The following FGD5 variants were observed in gnomAD, a reference collection of about 807,000 sequenced individuals.
FGD5 encodes FYVE, RhoGEF and PH domain containing 5.
A neutral mutation model predicts 133.4 loss-of-function variants in FGD5; 28 were observed. That is an observed-to-expected ratio of 0.21 (90% CI 0.16 to 0.29). FGD5 has a LOEUF of 0.29. FGD5 is among the 10% of genes least tolerant of loss of function. The pLI is 1.00. For missense variants in FGD5, 1,858 were observed against 1,895.2 expected (o/e 0.98, Z 0.36); for synonymous variants, 810 against 776.5 (o/e 1.04, Z -0.72).
Position 14,880,731 on chromosome 3 carries a change from T to C in FGD5, c.2718-11T>C. ...GGATTAATGCAGCCTCAACCCTCTTTCCCTCTGCAGATACGTGGAGATGCT... is the reference window on the plus strand; with the variant it reads ...GGATTAATGCAGCCTCAACCCTCTTCCCCTCTGCAGATACGTGGAGATGCT... On this transcript the variant is annotated splice_polypyrimidine_tract_variant and intron_variant, in intron 3 of 19. Coordinates refer to ENST00000285046, the MANE Select transcript of FGD5 (RefSeq NM_152536.4). 1.9e-6 allele frequency: 3 copies of C among 1,614,036 alleles called. No individual in the cohort carries two copies. Among genetic ancestry groups the C allele is most frequent in the Non-Finnish European group, 2.5e-6 (3 of 1,179,902 alleles).
At chr3:14,907,547 T>A in intron 9 of FGD5, 93 bp from the exon 10 acceptor site, 3 of 1,199,870 alleles carry the variant, frequency 2.5e-6, no homozygotes, top group Non-Finnish European at 3.6e-6. Context: ...TTCATTTTTG[T>A]CTGAAACAGA....
intron 1 of FGD5, among the ~76,000 whole-genome samples, chr3:14,855,114 G>A (rs2037253416): frequency 6.6e-6 from 1 of 152,152 alleles, no homozygotes; most frequent in African/African-American, 2.4e-5. Context: ...AACATGCAGT[G>A]TTTAACTTTC....
At chr3:14,884,496 A>G (rs2037887360) in intron 4 of FGD5, among the ~76,000 whole-genome samples, 1 of 152,140 alleles carries the variant, frequency 6.6e-6, no homozygotes. Context: ...CACATCTCAC[A>G]GTTTTGCTCT....
chr3:14,881,783 C>A (rs2037829226), intron 4 of FGD5, among the ~76,000 whole-genome samples: 2 of 152,216 alleles, frequency 1.3e-5, no homozygotes, highest in African/African-American at 4.8e-5. Context: ...CCAAGTCACA[C>A]AGTGGTGGAG....
intron 11 of FGD5, among the ~76,000 whole-genome samples, chr3:14,913,174 G>A (rs2038484576): frequency 6.6e-6 from 1 of 152,158 alleles, no homozygotes; most frequent in Non-Finnish European, 1.5e-5. Flanking sequence ...AGACATGTGC[G>A]AGCCTCAAGT....
chr3:14,869,800 C>T (rs961179244), intron 2 of FGD5, among the ~76,000 whole-genome samples: 1 of 152,138 alleles, frequency 6.6e-6, no homozygotes, highest in African/African-American at 2.4e-5. Context: ...AGTTTGATTC[C>T]GTTGTATGGG....
chr3:14,923,255 G>C, intron 16 of FGD5, 80 bp downstream of exon 16: 1 of 1,521,004 alleles, frequency 6.6e-7, no homozygotes, highest in African/African-American at 1.4e-5. Context: ...TGTGGTCCAT[G>C]GTTCATGCCT....
Position 14,821,027 on chromosome 3 carries a change from C to T in FGD5, c.1956C>T (p.Ser652=). The T allele has an allele frequency of 3.7e-6, 6 of 1,613,940 alleles. No individual in the cohort carries two copies. The highest frequency in any genetic ancestry group is 1.6e-4 in the Middle Eastern group (1 of 6,062). Residue 652 remains serine (S), a synonymous_variant, in exon 1 of 20, where the codon TCC becomes TCT. Coordinates refer to ENST00000285046, the MANE Select transcript of FGD5 (RefSeq NM_152536.4). ...ACAAGTACAAGAAGAAGAAGTCATC[C>T]TTTAAGCGCTTCCTGGCACTGACGT... The part of the protein sequence containing the change: ...SPDKYKKKKS[S]FKRFLALTFK...
At chr3:14,830,390 G>A (rs1268343187) in intron 1 of FGD5, among the ~76,000 whole-genome samples, 2 of 152,116 alleles carry the variant, frequency 1.3e-5, no homozygotes, top group African/African-American at 4.8e-5. Flanking sequence ...TACAGGGAAG[G>A]ACCCTAATAA....
intron 2 of FGD5, among the ~76,000 whole-genome samples, chr3:14,866,735 A>G (rs1284467391): frequency 2.0e-5 from 3 of 152,238 alleles, no homozygotes; most frequent in Non-Finnish European, 2.9e-5. Context: ...GAGCCTGAAC[A>G]GGGAAGCAAT....
At position 14,844,218 on chromosome 3, in the gene FGD5, ATATATATATATATATATATATATATAT is replaced by A. The variant is rs1240786445; in HGVS notation, c.2526-19909_2526-19883del. Among the ~76,000 whole-genome samples, 106 of 21,686 alleles carry A rather than the reference ATATATATATATATATATATATATATAT, an allele frequency of 4.9e-3. 8 individuals carry two copies. Among genetic ancestry groups the A allele is most frequent in the African/African-American group, 0.012 (86 of 7,214 alleles). The allele number at this position is 21,686 out of a possible 152,430, so 14.2% of individuals were successfully genotyped here. A position where few individuals can be genotyped will look rare whatever the true frequency, so the allele number is the denominator to read the frequency against. ...TTAATAGGCATTAAAAAAAAAAAAA[ATATATATATATATATATATATATATAT>A]ATATATATATATATATATATATATA... On this transcript the variant is annotated intron_variant, in intron 1 of 19. Coordinates refer to ENST00000285046, the MANE Select transcript of FGD5 (RefSeq NM_152536.4).
In FGD5 at chr3:14,819,368, A is replaced by G. The variant is rs1226347376; in HGVS notation, c.297A>G (p.Glu99=). The G allele has an allele frequency of 4.5e-6, 7 of 1,549,424 alleles. No individual in the cohort carries two copies. Among genetic ancestry groups the G allele is most frequent in the Admixed American group, 2.0e-5 (1 of 50,850 alleles). The change falls in exon 1 of 20, where the codon GAA becomes GAG. Residue 99 remains glutamate (E), a synonymous_variant. Coordinates refer to ENST00000285046, the MANE Select transcript of FGD5 (RefSeq NM_152536.4). The surrounding 1 kb of genome is among the most constrained non-coding windows in gnomAD (Gnocchi z 4.1). ...CTCCCGAGTCCTCTGCGGAAGAGGA[A>G]GAGGAGCGTGAAGAGGGAGGCGAGG... is the stretch of plus-strand genomic sequence containing the variant. ...LVSPESSAEE[E]EEREEGGEAC...
At chr3:14,841,279 T>C (rs541312389) in intron 1 of FGD5, among the ~76,000 whole-genome samples, 1 of 152,218 alleles carries the variant, frequency 6.6e-6, no homozygotes, top group East Asian at 1.9e-4. Context: ...TGAGGAATCA[T>C]TGTGAAGATG....
intron 2 of FGD5, among the ~76,000 whole-genome samples, chr3:14,867,111 C>T (rs558584432): frequency 6.6e-6 from 1 of 152,252 alleles, no homozygotes; most frequent in African/African-American, 2.4e-5. Flanking sequence ...AAGGCATGCT[C>T]TACCACGGAA....
Position 14,821,354 on chromosome 3 carries a change from A to G in FGD5, c.2283A>G (p.Pro761=). ...PPFLPLPLTK[P]RSISFPSADT... The stretch of plus-strand genomic sequence containing the variant: ...TCCTGCCCTTGCCACTGACCAAGCC[A>G]CGGTCCATCTCCTTCCCCAGCGCTG... Residue 761 remains proline (P), a synonymous_variant, in exon 1 of 20, where the codon CCA becomes CCG. Transcript: ENST00000285046. 1 of 1,613,942 alleles carries G rather than the reference A, an allele frequency of 6.2e-7. No individual in the cohort carries two copies. The highest frequency in any genetic ancestry group is 8.5e-7 in the Non-Finnish European group (1 of 1,179,884).
chr3:14,827,405 C>T (rs993427425), intron 1 of FGD5, among the ~76,000 whole-genome samples: 3 of 151,670 alleles, frequency 2.0e-5, no homozygotes, highest in African/African-American at 4.8e-5. Context: ...TCTCCTGCCT[C>T]AGCCTCCCGA....
Position 14,922,455 on chromosome 3 carries a change from C to G in FGD5, c.3714C>G (p.Thr1238=). ...LGVSLGERPP[T]LVPVTHVMMC... ...TTAGCCTTGGGGAGAGGCCCCCCAC[C>G]CTGGTGCCTGTCACACACGTCATGA... Residue 1238 remains threonine, a synonymous_variant, in exon 15 of 20, where the codon ACC becomes ACG. Transcript: ENST00000285046. The surrounding 1 kb of genome is among the most constrained non-coding windows in gnomAD (Gnocchi z 4.1). 1.3e-6 allele frequency: 2 copies of G among 1,572,420 alleles called. No homozygotes were observed. The highest frequency in any genetic ancestry group is 1.9e-5 in the Admixed American group (1 of 53,866).
chr3:14,869,951 G>A (rs2037574402), intron 2 of FGD5, among the ~76,000 whole-genome samples: 1 of 152,234 alleles, frequency 6.6e-6, no homozygotes. Flanking sequence ...GTAAGTATAT[G>A]CCCTGAAGTG....
chr3:14,898,824 C>A lies in FGD5; in HGVS notation c.3152C>A (p.Thr1051Lys), dbSNP rs2038186077. The part of the protein sequence containing the change: ...QRLFQYQVLL[T>K]DYLNNLCPDS... ...CTCTTCCAGTACCAAGTGCTCCTCA[C>A]AGGTGGGCCCCACAGGAGATCAATG... Residue 1051 changes from threonine to lysine, a missense_variant and splice_region_variant, in exon 7 of 20, where the codon ACA becomes AAA. Transcript: ENST00000285046. The A allele has an allele frequency of 6.4e-7, 1 of 1,574,182 alleles. No homozygotes were observed. Among genetic ancestry groups the A allele is most frequent in the South Asian group, 1.2e-5 (1 of 85,624 alleles).
Sources: gnomAD v4.1 joint callset for allele counts (sites outside exome capture counted in the v4.1 genomes callset) on GRCh38, gnomAD v4.1.1 for gene constraint, Gnocchi (gnomAD v3.1) non-coding constraint, MANE v1.5 for transcripts, NCBI Gene and HGNC (gene_info 2026-07-23, HGNC 2026-07-21) for gene names.